TNFSF4: variants seen among roughly 807,000 people sequenced by gnomAD.
TNFSF4 encodes tumor necrosis factor ligand superfamily member 4.
Under a neutral mutation model 7.3 loss-of-function variants are expected in TNFSF4, and 4 were observed. The ratio of observed to expected loss-of-function variants is 0.55; its 90% CI spans 0.27 to 1.25. TNFSF4 has a LOEUF of 1.25. Among genes scored for constraint, TNFSF4 ranks in the 50% most tolerant of loss-of-function variants. The pLI is 0.12. For synonymous variants in TNFSF4, 76 were observed against 83.7 expected (o/e 0.91, Z 0.50); for missense variants, 181 against 208.8 (o/e 0.87, Z 0.82).
the TNFSF4 span, among the ~76,000 whole-genome samples, chr1:173,235,405 A>G: frequency 6.6e-5 from 10 of 152,212 alleles, no homozygotes; most frequent in Admixed American, 2.6e-4. Flanking sequence ...TCCCCAATTT[A>G]TAAGGCGTGG....
the TNFSF4 span, among the ~76,000 whole-genome samples, chr1:173,308,004 G>T: frequency 6.6e-6 from 1 of 151,852 alleles, no homozygotes; most frequent in Non-Finnish European, 1.5e-5. Context: ...ATTGGACTTT[G>T]AATAATCTCT....
At chr1:173,388,236 A>G in the TNFSF4 span, among the ~76,000 whole-genome samples, 3 of 152,266 alleles carry the variant, frequency 2.0e-5, no homozygotes, top group African/African-American at 7.2e-5. Flanking sequence ...CACTTGTTCC[A>G]TACCAACCTT....
Position 173,183,996 on chromosome 1 carries a change from G to T in TNFSF4, c.*2520C>A, listed in dbSNP as rs1188472917. ...TGAAGGACTCACAAAGATGGCTGAG[G>T]AAGATGTAAGCTTGTCCAGAAAAAA... On this transcript the variant is annotated 3_prime_UTR_variant, in exon 3 of 3. Coordinates refer to ENST00000281834, the MANE Select transcript of TNFSF4 (RefSeq NM_003326.5). 1 of 152,132 alleles carries T rather than the reference G, an allele frequency of 6.6e-6. No individual in the cohort carries two copies. The highest frequency in any genetic ancestry group is 2.4e-5 in the African/African-American group (1 of 41,420). The allele number at this position is 152,132 out of a possible 1,614,324, so 9.4% of individuals were successfully genotyped here.
the TNFSF4 span, among the ~76,000 whole-genome samples, chr1:173,289,547 C>T: frequency 2.0e-5 from 3 of 152,084 alleles, no homozygotes; most frequent in East Asian, 5.8e-4. Context: ...ACTAGACATG[C>T]AAATATGAGA....
At chr1:173,408,010 C>A in the TNFSF4 span, among the ~76,000 whole-genome samples, 39 of 152,226 alleles carry the variant, frequency 2.6e-4, no homozygotes, top group African/African-American at 9.2e-4. Flanking sequence ...TGGCAATCTG[C>A]ATCTCACAGG....
downstream of TNFSF4, among the ~76,000 whole-genome samples, chr1:173,181,848 T>C (rs996853929): frequency 6.6e-6 from 1 of 152,202 alleles, no homozygotes; most frequent in Non-Finnish European, 1.5e-5. Context: ...GTGGAGTGAA[T>C]GAGTGGCTAC....
chr1:173,367,204 T>C, the TNFSF4 span, among the ~76,000 whole-genome samples: 1 of 152,204 alleles, frequency 6.6e-6, no homozygotes, highest in Non-Finnish European at 1.5e-5. Context: ...CTCTCACGAC[T>C]GCAAGGACTT....
chr1:173,390,233 T>C, the TNFSF4 span, among the ~76,000 whole-genome samples: 1 of 152,176 alleles, frequency 6.6e-6, no homozygotes, highest in South Asian at 2.1e-4. Context: ...TTCAGGTCAG[T>C]GTCCAGCCAA....
the TNFSF4 span, among the ~76,000 whole-genome samples, chr1:173,378,812 C>T: frequency 4.6e-5 from 7 of 151,960 alleles, no homozygotes; most frequent in African/African-American, 1.2e-4. Context: ...GATAAGCCTC[C>T]GCTAATCTCC....
chr1:173,310,949 G>A, the TNFSF4 span, among the ~76,000 whole-genome samples: 5 of 151,620 alleles, frequency 3.3e-5, no homozygotes, highest in Admixed American at 2.0e-4. Flanking sequence ...TTGTTTACAT[G>A]GTAGATATTT....
the TNFSF4 span, among the ~76,000 whole-genome samples, chr1:173,236,432 A>AC: frequency 6.6e-6 from 1 of 151,788 alleles, no homozygotes; most frequent in South Asian, 2.1e-4. Flanking sequence ...AAAAAAAAAA[A>AC]CAGGAGATAG....
the TNFSF4 span, among the ~76,000 whole-genome samples, chr1:173,291,023 G>T: frequency 6.6e-6 from 1 of 152,144 alleles, no homozygotes; most frequent in Non-Finnish European, 1.5e-5. Context: ...GTTCATTCAT[G>T]CATTGCTATA....
chr1:173,395,376 TAATATATA>T, the TNFSF4 span, among the ~76,000 whole-genome samples: 1 of 40,108 alleles, frequency 2.5e-5, no homozygotes, highest in Non-Finnish European at 4.4e-5. Flanking sequence ...ACTGTGTATA[TAATATATA>T]TATATATATA....
chr1:173,360,987 C>T, the TNFSF4 span, among the ~76,000 whole-genome samples: 4 of 152,126 alleles, frequency 2.6e-5, no homozygotes, highest in African/African-American at 4.8e-5. Context: ...GCTAGCCAAA[C>T]TAACCATGGG....
Position 173,184,770 on chromosome 1 carries a change from A to C in TNFSF4, c.*1746T>G, listed in dbSNP as rs1649153022. 1 of 152,152 alleles carries C rather than the reference A, an allele frequency of 6.6e-6. No individual in the cohort carries two copies. The highest frequency in any genetic ancestry group is 2.4e-5 in the African/African-American group (1 of 41,420). 9.4% of individuals were successfully genotyped at this position (152,152 alleles called of 1,614,324 possible). A position where few individuals can be genotyped will look rare whatever the true frequency, so the allele number is the denominator to read the frequency against. ...GTAGTGAAGCCAGATATCATTGAAT[A>C]TCTGTCTCAGAATGATTCTTGTAAA... On this transcript the variant is annotated 3_prime_UTR_variant, in exon 3 of 3. Coordinates refer to ENST00000281834, the MANE Select transcript of TNFSF4 (RefSeq NM_003326.5).
At chr1:173,341,873 C>A in the TNFSF4 span, among the ~76,000 whole-genome samples, 6 of 152,136 alleles carry the variant, frequency 3.9e-5, no homozygotes, top group African/African-American at 1.4e-4. Flanking sequence ...CTGTCCCAGA[C>A]CCCAAGTCCA....
chr1:173,445,864 A>T, the TNFSF4 span, among the ~76,000 whole-genome samples: 14 of 152,198 alleles, frequency 9.2e-5, no homozygotes, highest in Non-Finnish European at 1.5e-4. Flanking sequence ...TGCATGGAAC[A>T]TACTCAAAGC....
At chr1:173,246,965 T>A in the TNFSF4 span, among the ~76,000 whole-genome samples, 2 of 152,250 alleles carry the variant, frequency 1.3e-5, no homozygotes, top group Non-Finnish European at 2.9e-5. Context: ...TCTTCATTTC[T>A]ATACCTTTTT....
the TNFSF4 span, among the ~76,000 whole-genome samples, chr1:173,235,945 C>T: frequency 2.6e-5 from 4 of 152,058 alleles, no homozygotes; most frequent in African/African-American, 9.7e-5. Flanking sequence ...AATCATTTCC[C>T]TTCAAATTAT....
Sources: gnomAD v4.1 joint callset for allele counts (sites outside exome capture counted in the v4.1 genomes callset) on GRCh38, gnomAD v4.1.1 for gene constraint, MANE v1.5 for transcripts, NCBI Gene and HGNC (gene_info 2026-07-23, HGNC 2026-07-21) for gene names.